ELAVL2: variants seen among roughly 807,000 people sequenced by gnomAD.
ELAVL2 encodes ELAV like RNA binding protein 2.
ELAVL2 carries 4 observed loss-of-function variants against 34.6 expected under a neutral mutation model. The observed-to-expected ratio is 0.12, with a 90% CI of 0.06 to 0.26. ELAVL2 has a LOEUF of 0.26. ELAVL2 is among the 10% of genes least tolerant of loss of function. ELAVL2 has a pLI of 1.00. For missense variants in ELAVL2, 432 were observed against 442.8 expected, an observed-to-expected ratio of 0.98 and a Z score of 0.22; for synonymous variants, 193 against 154.8, an observed-to-expected ratio of 1.25 and a Z score of -1.83.
At chr9:23,804,561 A>C (rs2061980852) in intron 1 of ELAVL2, among the ~76,000 whole-genome samples, 1 of 152,192 alleles carries the variant, frequency 6.6e-6, no homozygotes, top group Non-Finnish European at 1.5e-5. Flanking sequence ...TTGCTATTTC[A>C]AACAGTGCTT....
At chr9:23,826,496 C>T (rs2065307339), upstream of ELAVL2, among the ~76,000 whole-genome samples, 2 of 152,210 alleles carry the variant, frequency 1.3e-5, no homozygotes, top group African/African-American at 4.8e-5. Context: ...CTCTCGAGAG[C>T]TCAATGGAGT....
chr9:23,766,689 G>A (rs767244481), intron 1 of ELAVL2, among the ~76,000 whole-genome samples: 2 of 151,712 alleles, frequency 1.3e-5, no homozygotes, highest in African/African-American at 2.4e-5. Context: ...AGTCTTCTCC[G>A]CTTGAGGCAG....
At chr9:23,737,851 T>C (rs1341794931) in intron 2 of ELAVL2, among the ~76,000 whole-genome samples, 2 of 152,204 alleles carry the variant, frequency 1.3e-5, no homozygotes, top group Non-Finnish European at 2.9e-5. Context: ...TGCAATACTT[T>C]TAAAAAGCAA....
At chr9:23,780,668 G>C (rs1192634210) in intron 1 of ELAVL2, among the ~76,000 whole-genome samples, 1 of 152,166 alleles carries the variant, frequency 6.6e-6, no homozygotes, top group Non-Finnish European at 1.5e-5. Flanking sequence ...AAATGATCAT[G>C]TGTAACACAC....
chr9:23,788,287 C>G (rs974846161), intron 1 of ELAVL2, among the ~76,000 whole-genome samples: 2 of 152,152 alleles, frequency 1.3e-5, no homozygotes, highest in Non-Finnish European at 2.9e-5. Flanking sequence ...TACGGTGATC[C>G]CTTCTAGCAT....
chr9:23,807,114 A>C (rs940016874), intron 1 of ELAVL2, among the ~76,000 whole-genome samples: 2 of 152,200 alleles, frequency 1.3e-5, no homozygotes, highest in Non-Finnish European at 2.9e-5. Context: ...TTATCTTCCT[A>C]AAGACCAGCT....
chr9:23,705,541 C>T (rs1433292165), intron 3 of ELAVL2, among the ~76,000 whole-genome samples: 1 of 152,224 alleles, frequency 6.6e-6, no homozygotes, highest in African/African-American at 2.4e-5. Context: ...AGGCTGTCTT[C>T]TGTGGGGCCA....
At chr9:23,790,112 AAATCATTCTTTGGTTAGAGGACC>A (rs2137173494) in intron 1 of ELAVL2, among the ~76,000 whole-genome samples, 1 of 152,172 alleles carries the variant, frequency 6.6e-6, no homozygotes, top group Admixed American at 6.5e-5. Context: ...ATTTTCTCCT[AAATCATTCTTTGGTTAGAGGACC>A]AATGTAAAAG....
intron 1 of ELAVL2, among the ~76,000 whole-genome samples, chr9:23,807,767 A>G (rs2062427335): frequency 6.6e-6 from 1 of 152,184 alleles, no homozygotes; most frequent in Non-Finnish European, 1.5e-5. Context: ...CCTAACAAAT[A>G]TTCCTAAGTT....
At position 23,704,582 on chromosome 9, in the gene ELAVL2, G is replaced by C. The variant is rs557319353; in HGVS notation, c.487+336C>G. Among the ~76,000 whole-genome samples the C allele has an allele frequency of 6.6e-5, 10 of 152,216 alleles. No individual in the cohort carries two copies. In the East Asian group the frequency reaches 1.7e-3, roughly 27 times the overall value. ...AAACTTCGCTTTTTGACAAAAGAAAGGTTGTTTATTAGTACTCTATAAGCA... is the reference window on the plus strand; with the variant it reads ...AAACTTCGCTTTTTGACAAAAGAAACGTTGTTTATTAGTACTCTATAAGCA... On this transcript the variant is annotated intron_variant, in intron 4 of 6. Coordinates refer to ENST00000397312, the MANE Select transcript of ELAVL2 (RefSeq NM_004432.5).
At chr9:23,824,207 G>T (rs991303746) in intron 1 of ELAVL2, among the ~76,000 whole-genome samples, 1 of 152,186 alleles carries the variant, frequency 6.6e-6, no homozygotes, top group Admixed American at 6.5e-5. Flanking sequence ...ACTTGAAAAT[G>T]GGAAACGGGG....
intron 3 of ELAVL2, among the ~76,000 whole-genome samples, chr9:23,721,682 C>T (rs935665530): frequency 7.2e-5 from 11 of 152,086 alleles, no homozygotes; most frequent in African/African-American, 2.7e-4. Flanking sequence ...GATTTTAGAC[C>T]AACCCCTCCC....
intron 1 of ELAVL2, among the ~76,000 whole-genome samples, chr9:23,782,936 T>A (rs147169880): frequency 3.3e-5 from 5 of 152,286 alleles, no homozygotes; most frequent in African/African-American, 1.2e-4. Context: ...CTCTTCTCTT[T>A]CCAATCCCAG....
intron 1 of ELAVL2, chr9:23,783,340 A>C (rs2059307396): frequency 2.2e-6 from 1 of 460,814 alleles, no homozygotes; most frequent in Non-Finnish European, 2.9e-6. Context: ...CACTCAGCTC[A>C]CAGTCTGAAG....
chr9:23,769,648 T>C (rs183526299), intron 1 of ELAVL2, among the ~76,000 whole-genome samples: 11 of 152,344 alleles, frequency 7.2e-5, no homozygotes, highest in Non-Finnish European at 1.3e-4. Context: ...CATACCATGT[T>C]AGCTGTCTCA....
chr9:23,830,639 T>A (rs1222267988), upstream of ELAVL2, among the ~76,000 whole-genome samples: 3 of 101,562 alleles, frequency 3.0e-5, no homozygotes, highest in Non-Finnish European at 7.2e-5. Flanking sequence ...TTTTTTTTTT[T>A]TCCTGGACCA....
chr9:23,837,561 T>G, the ELAVL2 span, among the ~76,000 whole-genome samples: 1 of 152,180 alleles, frequency 6.6e-6, no homozygotes, highest in Non-Finnish European at 1.5e-5. Context: ...TTAAGTAATT[T>G]GCCCAAGATA....
At chr9:23,828,216 A>G (rs1251839475), upstream of ELAVL2, among the ~76,000 whole-genome samples, 1 of 152,164 alleles carries the variant, frequency 6.6e-6, no homozygotes, top group Non-Finnish European at 1.5e-5. Context: ...AATGAATACA[A>G]TTTGGGGAAA....
At chr9:23,776,942 A>T (rs1012633830) in intron 1 of ELAVL2, among the ~76,000 whole-genome samples, 2 of 152,108 alleles carry the variant, frequency 1.3e-5, no homozygotes, top group African/African-American at 4.8e-5. Flanking sequence ...CACTAAGAAA[A>T]TTTTAAATTA....
Sources: gnomAD v4.1 joint callset for allele counts (sites outside exome capture counted in the v4.1 genomes callset) on GRCh38, gnomAD v4.1.1 for gene constraint, MANE v1.5 for transcripts, NCBI Gene and HGNC (gene_info 2026-07-23, HGNC 2026-07-21) for gene names.